LMCD1: variants seen among roughly 807,000 people sequenced by gnomAD.
The protein encoded by LMCD1 is LIM and cysteine-rich domains protein 1.
LMCD1 carries 32 observed loss-of-function variants against 42.7 expected under a neutral mutation model. The observed-to-expected ratio is 0.75, with a 90% CI of 0.57 to 1.01. The LOEUF (loss-of-function observed/expected upper bound fraction) is 1.01, where lower values mean the gene tolerates loss of function less well. Among genes scored for constraint, LMCD1 ranks in the 50% least tolerant of loss-of-function variants. LMCD1 has a pLI of 0.00. For synonymous variants in LMCD1, 178 were observed against 184.9 expected (o/e 0.96, Z 0.30); for missense variants, 458 against 483.1 (o/e 0.95, Z 0.49).
chr3:8,567,626 A>C lies in LMCD1; in HGVS notation c.*28A>C. 6.3e-7 allele frequency: 1 copy of C among 1,594,556 alleles called. No individual in the cohort carries two copies. The highest frequency in any genetic ancestry group is 8.6e-7 in the Non-Finnish European group (1 of 1,169,088). On this transcript the variant is annotated 3_prime_UTR_variant, in exon 6 of 6. Transcript: ENST00000157600. ...GGCTGCCCACCCACAGCCAGAATCC[A>C]CAGGATCCCACCGAGAAGGAGAGCC... is the stretch of plus-strand genomic sequence containing the variant.
intron 1 of LMCD1, among the ~76,000 whole-genome samples, chr3:8,529,535 C>T (rs566611363): frequency 1.1e-4 from 16 of 152,156 alleles, no homozygotes; most frequent in African/African-American, 3.6e-4. Context: ...ATTTTAACGT[C>T]GATTCTCTTC....
intron 3 of LMCD1, among the ~76,000 whole-genome samples, chr3:8,541,337 G>A (rs1694622775): frequency 6.6e-6 from 1 of 152,088 alleles, no homozygotes; most frequent in Admixed American, 6.5e-5. Flanking sequence ...ATCACCTGAG[G>A]TCAGGAGTTT....
At chr3:8,513,944 G>T (rs938235841) in intron 1 of LMCD1, among the ~76,000 whole-genome samples, 1 of 152,124 alleles carries the variant, frequency 6.6e-6, no homozygotes, top group African/African-American at 2.4e-5. Flanking sequence ...AACCCTGGGG[G>T]ATGTCTGCTG....
intron 1 of LMCD1, among the ~76,000 whole-genome samples, chr3:8,528,380 G>A (rs1483678554): frequency 6.6e-6 from 1 of 151,952 alleles, no homozygotes; most frequent in Non-Finnish European, 1.5e-5. Context: ...TTTCCTGTAG[G>A]GATTGGGGTC....
At chr3:8,562,716 G>T (rs1695060816) in intron 4 of LMCD1, among the ~76,000 whole-genome samples, 1 of 152,068 alleles carries the variant, frequency 6.6e-6, no homozygotes, top group African/African-American at 2.4e-5. Flanking sequence ...CCCTGTGATT[G>T]TTTTCCTAGT....
At chr3:8,562,807 C>G (rs898758886) in intron 4 of LMCD1, among the ~76,000 whole-genome samples, 63 of 152,160 alleles carry the variant, frequency 4.1e-4, no homozygotes, top group African/African-American at 1.5e-3. Flanking sequence ...CTCCAGTTTC[C>G]CTGAAGGCTC....
At chr3:8,565,810 C>T (rs1447933384) in intron 5 of LMCD1, among the ~76,000 whole-genome samples, 163 bp downstream of exon 5, 2 of 152,192 alleles carry the variant, frequency 1.3e-5, no homozygotes, top group Non-Finnish European at 2.9e-5. Flanking sequence ...TTCTCATCTG[C>T]AAAATGAGGC....
intron 1 of LMCD1, among the ~76,000 whole-genome samples, chr3:8,504,091 T>G (rs1012158987): frequency 6.6e-6 from 1 of 152,106 alleles, no homozygotes; most frequent in African/African-American, 2.4e-5. Flanking sequence ...AAGAATGTGG[T>G]GGGTAGAGAT....
At chr3:8,550,566 G>C in intron 4 of LMCD1, 1 of 985,142 alleles carries the variant, frequency 1.0e-6, no homozygotes, top group Non-Finnish European at 1.2e-6. Flanking sequence ...CCAAGAAACT[G>C]TTTTATCTGA....
chr3:8,510,298 C>A (rs1352357624), intron 1 of LMCD1, among the ~76,000 whole-genome samples: 3 of 152,198 alleles, frequency 2.0e-5, no homozygotes, highest in Non-Finnish European at 4.4e-5. Flanking sequence ...GTGCTCCCCA[C>A]CCCAACCCTG....
At chr3:8,555,538 C>T (rs144262547) in intron 4 of LMCD1, among the ~76,000 whole-genome samples, 4 of 152,298 alleles carry the variant, frequency 2.6e-5, no homozygotes, top group Non-Finnish European at 4.4e-5. Context: ...TGGGGGCAGC[C>T]GCAAAATCAC....
At chr3:8,505,411 T>TG (rs1282813279) in intron 1 of LMCD1, among the ~76,000 whole-genome samples, 1 of 152,238 alleles carries the variant, frequency 6.6e-6, no homozygotes, top group Non-Finnish European at 1.5e-5. Context: ...GAAGGGGACT[T>TG]GGAGTGCCTT....
Position 8,567,656 on chromosome 3 carries a change from G to A in LMCD1, c.*58G>A. ...ATCCCACCGAGAAGGAGAGCCAGGT[G>A]TGCCGAGACCATCCTAAGGGTCCGA... On this transcript the variant is annotated 3_prime_UTR_variant, in exon 6 of 6. Transcript: ENST00000157600. 2.6e-6 allele frequency: 4 copies of A among 1,557,092 alleles called. No homozygotes were observed. The highest frequency in any genetic ancestry group is 1.2e-5 in the South Asian group (1 of 85,430).
At chr3:8,555,866 T>C (rs1317611952) in intron 4 of LMCD1, among the ~76,000 whole-genome samples, 2 of 151,988 alleles carry the variant, frequency 1.3e-5, no homozygotes, top group Non-Finnish European at 1.5e-5. Context: ...TTAACACAGC[T>C]CTTGAAGCAC....
chr3:8,519,741 CAAA>C (rs59146036), intron 1 of LMCD1, among the ~76,000 whole-genome samples: 2 of 109,546 alleles, frequency 1.8e-5, no homozygotes. Flanking sequence ...CATATGATAG[CAAA>C]AAAAAAAAAA....
intron 1 of LMCD1, among the ~76,000 whole-genome samples, chr3:8,522,343 G>T (rs556442059): frequency 1.3e-5 from 2 of 152,174 alleles, no homozygotes; most frequent in African/African-American, 4.8e-5. Context: ...AGACTGCAGC[G>T]GGGAGGAGAG....
chr3:8,549,985 T>G, intron 4 of LMCD1: 1 of 1,454,158 alleles, frequency 6.9e-7, no homozygotes, highest in Middle Eastern at 1.9e-4. Flanking sequence ...AGGCCCCACC[T>G]CTCAATACTG....
In LMCD1 at chr3:8,570,694, T is replaced by A. The variant is rs978658720; in HGVS notation, c.*3096T>A. On this transcript the variant is annotated 3_prime_UTR_variant, in exon 6 of 6. Coordinates refer to ENST00000157600, the MANE Select transcript of LMCD1 (RefSeq NM_014583.4). Reference sequence around the variant, plus strand: ...GAACTCACCCTCTCCACCCACCACTTCCAGATGAATTGCTCAGAAACACAC... The same window carrying A: ...GAACTCACCCTCTCCACCCACCACTACCAGATGAATTGCTCAGAAACACAC... 1 of 152,182 alleles carries A rather than the reference T, an allele frequency of 6.6e-6. No individual in the cohort carries two copies. The allele number at this position is 152,182 out of a possible 1,614,324, so 9.4% of individuals were successfully genotyped here. A position where few individuals can be genotyped will look rare whatever the true frequency, so the allele number is the denominator to read the frequency against.
chr3:8,502,312 A>ATATATATTATATAAAAAATATAT (rs1559342085), intron 1 of LMCD1, among the ~76,000 whole-genome samples: 1 of 19,684 alleles, frequency 5.1e-5, no homozygotes, highest in Non-Finnish European at 7.5e-5. Flanking sequence ...ATAATATATA[A>ATATATATTATATAAAAAATATAT]AATATATATT....
Sources: gnomAD v4.1 joint callset for allele counts (sites outside exome capture counted in the v4.1 genomes callset) on GRCh38, gnomAD v4.1.1 for gene constraint, MANE v1.5 for transcripts, NCBI Gene and HGNC (gene_info 2026-07-23, HGNC 2026-07-21) for gene names.